The following ST6GAL2 variants were observed in gnomAD, a reference collection of about 807,000 sequenced individuals.
The protein encoded by ST6GAL2 is ST6 beta-galactoside alpha-2,6-sialyltransferase 2.
A neutral mutation model predicts 37.5 loss-of-function variants in ST6GAL2; 24 were observed. The observed-to-expected ratio is 0.64, with a 90% CI of 0.46 to 0.90. The LOEUF (loss-of-function observed/expected upper bound fraction) is 0.90. Ranked by LOEUF, ST6GAL2 falls within the 40% of genes least tolerant of loss-of-function variation. ST6GAL2 has a pLI of 0.00. For synonymous variants in ST6GAL2, 306 were observed against 295.1 expected, an observed-to-expected ratio of 1.04 and a Z score of -0.38; for missense variants, 715 against 712.7, an observed-to-expected ratio of 1.00 and a Z score of -0.04.
intron 1 of ST6GAL2, among the ~76,000 whole-genome samples, chr2:106,869,855 C>G (rs1312432051): frequency 6.6e-6 from 1 of 152,188 alleles, no homozygotes; most frequent in African/African-American, 2.4e-5. Flanking sequence ...CTCACCCCTT[C>G]CTGACACCAA....
At chr2:106,825,125 A>C (rs2104450808) in intron 5 of ST6GAL2, 1 of 152,374 alleles carries the variant, frequency 6.6e-6, no homozygotes, top group South Asian at 2.1e-4. Flanking sequence ...CCTGCTATTC[A>C]TGCCTTTGTA....
At chr2:106,886,179 C>T (rs1678982798), upstream of ST6GAL2, 1 of 152,266 alleles carries the variant, frequency 6.6e-6, no homozygotes, top group Non-Finnish European at 1.5e-5. Context: ...GAGTCCAAGG[C>T]GTGCGTGTCA....
Position 106,843,724 on chromosome 2 carries a change from G to A in ST6GAL2, c.254C>T (p.Pro85Leu). Reference protein sequence around the residue: ...DARQALPRAHPAGSFHAGPGD... With the variant: ...DARQALPRAHLAGSFHAGPGD... ...AGGCCCCGCATGAAAGGAACCGGCT[G>A]GGTGGGCGCGGGGCAGCGCCTGGCG... The change falls in exon 2 of 6, where the codon CCA (proline) becomes CTA (leucine). Residue 85 changes from proline (P) to leucine (L), a missense_variant. Pro to Leu is a moderately conservative substitution (Grantham distance 98). This residue lies in a region of ST6GAL2 where 512 missense variants were observed against 488.8 expected (regional missense o/e 1.05). Coordinates refer to ENST00000409382, the MANE Select transcript of ST6GAL2 (RefSeq NM_001142351.2). 6.2e-7 allele frequency: 1 copy of A among 1,612,826 alleles called. No homozygotes were observed. Among genetic ancestry groups the A allele is most frequent in the Non-Finnish European group, 8.5e-7 (1 of 1,179,842 alleles).
At chr2:106,871,683 G>A (rs1352345204) in intron 1 of ST6GAL2, among the ~76,000 whole-genome samples, 1 of 152,028 alleles carries the variant, frequency 6.6e-6, no homozygotes, top group East Asian at 1.9e-4. Context: ...GCCTACACAG[G>A]GTCATGGTCA....
At chr2:106,880,067 T>A (rs1355291540) in intron 1 of ST6GAL2, among the ~76,000 whole-genome samples, 1 of 151,154 alleles carries the variant, frequency 6.6e-6, no homozygotes, top group Non-Finnish European at 1.5e-5. Flanking sequence ...TATATACATA[T>A]CTATACATAT....
At chr2:106,871,373 T>A (rs1678260683) in intron 1 of ST6GAL2, among the ~76,000 whole-genome samples, 1 of 152,198 alleles carries the variant, frequency 6.6e-6, no homozygotes, top group African/African-American at 2.4e-5. Context: ...ACTGTTCACT[T>A]AGGCAAAGTG....
intron 1 of ST6GAL2, among the ~76,000 whole-genome samples, chr2:106,845,203 A>C (rs1270029523): frequency 3.9e-5 from 6 of 152,182 alleles, no homozygotes; most frequent in Admixed American, 1.3e-4. Flanking sequence ...CTGGAAGAAG[A>C]AGCAAGACCA....
intron 2 of ST6GAL2, among the ~76,000 whole-genome samples, chr2:106,841,019 T>C (rs1676859359): frequency 6.6e-6 from 1 of 152,246 alleles, no homozygotes; most frequent in Admixed American, 6.5e-5. Flanking sequence ...TGCAGGCTGC[T>C]CTGCTCTGGC....
intron 1 of ST6GAL2, among the ~76,000 whole-genome samples, chr2:106,849,479 T>C (rs1420465307): frequency 6.6e-6 from 1 of 152,184 alleles, no homozygotes; most frequent in Non-Finnish European, 1.5e-5. Context: ...TAGAAGACCC[T>C]GAAGGAAATC....
At chr2:106,842,290 C>T (rs1558698711) in intron 2 of ST6GAL2, among the ~76,000 whole-genome samples, 1 of 152,178 alleles carries the variant, frequency 6.6e-6, no homozygotes, top group African/African-American at 2.4e-5. Flanking sequence ...AGCTGGGAAA[C>T]ATGTGCTCCA....
chr2:106,863,319 A>C (rs1002530946), intron 1 of ST6GAL2, among the ~76,000 whole-genome samples: 1 of 152,218 alleles, frequency 6.6e-6, no homozygotes, highest in Non-Finnish European at 1.5e-5. Flanking sequence ...CTTGTCATCC[A>C]ATGATACAGA....
At chr2:106,842,649 C>T (rs541297197) in intron 2 of ST6GAL2, among the ~76,000 whole-genome samples, 101 of 152,318 alleles carry the variant, frequency 6.6e-4, no homozygotes, top group African/African-American at 2.4e-3. Flanking sequence ...TCAGGGGCCA[C>T]AGCCTGGGGG....
At chr2:106,828,116 T>A (rs1279204078) in intron 5 of ST6GAL2, among the ~76,000 whole-genome samples, 1 of 152,174 alleles carries the variant, frequency 6.6e-6, no homozygotes, top group African/African-American at 2.4e-5. Flanking sequence ...AAAAACAACA[T>A]AGGAAAGTAC....
intron 5 of ST6GAL2, among the ~76,000 whole-genome samples, chr2:106,825,553 TTTTG>T (rs1445343174): frequency 2.6e-5 from 4 of 152,260 alleles, no homozygotes; most frequent in African/African-American, 9.6e-5. Flanking sequence ...CATACAAACC[TTTTG>T]TTTGACTCTG....
At chr2:106,819,884 C>G (rs1675935354) in intron 5 of ST6GAL2, among the ~76,000 whole-genome samples, 1 of 151,886 alleles carries the variant, frequency 6.6e-6, no homozygotes, top group South Asian at 2.1e-4. Context: ...TTGGTTTTCT[C>G]TTTATTTATG....
At chr2:106,816,227 C>G (rs541797345) in intron 5 of ST6GAL2, among the ~76,000 whole-genome samples, 1 of 152,080 alleles carries the variant, frequency 6.6e-6, no homozygotes, top group Non-Finnish European at 1.5e-5. Flanking sequence ...CATTCTCTTC[C>G]TTAAGGTTTG....
chr2:106,814,789 A>G (rs913018307), intron 5 of ST6GAL2, among the ~76,000 whole-genome samples: 1 of 152,240 alleles, frequency 6.6e-6, no homozygotes, highest in Non-Finnish European at 1.5e-5. Context: ...AATAGAAGCT[A>G]CAGGACTCCA....
intron 2 of ST6GAL2, among the ~76,000 whole-genome samples, 200 bp downstream of exon 2, chr2:106,842,835 T>G (rs534803006): frequency 3.5e-4 from 53 of 152,314 alleles, no homozygotes; most frequent in African/African-American, 1.3e-3. Flanking sequence ...CGAAGAGTAC[T>G]TCTGCTGTGA....
At chr2:106,820,203 A>G (rs977516591) in intron 5 of ST6GAL2, among the ~76,000 whole-genome samples, 2 of 152,086 alleles carry the variant, frequency 1.3e-5, no homozygotes, top group Non-Finnish European at 2.9e-5. Context: ...ACAAGACCCA[A>G]TGATCTATTG....
Sources: allele counts gnomAD v4.1 joint callset (sites outside exome capture counted in the v4.1 genomes callset), GRCh38; gene constraint gnomAD v4.1.1; regional missense constraint gnomAD v4.1.1; transcripts MANE v1.5; gene names NCBI Gene and HGNC (gene_info 2026-07-23, HGNC 2026-07-21).